CAPN14: variants seen among roughly 807,000 people sequenced by gnomAD.
CAPN14 encodes calpain 14.
A neutral mutation model predicts 101.3 loss-of-function variants in CAPN14; 94 were observed. The observed-to-expected ratio is 0.93, with a 90% confidence interval of 0.79 to 1.10. The LOEUF (loss-of-function observed/expected upper bound fraction) is 1.10. Ranked by LOEUF, CAPN14 falls within the 50% of genes least tolerant of loss-of-function variation. The pLI is 0.00. For missense variants in CAPN14, 837 were observed against 828.4 expected, an observed-to-expected ratio of 1.01 and a Z score of -0.13; for synonymous variants, 338 against 317.9, an observed-to-expected ratio of 1.06 and a Z score of -0.67.
intron 1 of CAPN14, among the ~76,000 whole-genome samples, chr2:31,229,434 T>C (rs1683122326): frequency 6.6e-6 from 1 of 152,026 alleles, no homozygotes; most frequent in Non-Finnish European, 1.5e-5. Context: ...ATAAAAGGAA[T>C]AAGAAATGAA....
chr2:31,231,830 G>T (rs189314830), intron 1 of CAPN14, among the ~76,000 whole-genome samples: 1 of 152,332 alleles, frequency 6.6e-6, no homozygotes, highest in Admixed American at 6.5e-5. Flanking sequence ...GTGGCACGGG[G>T]CCGCAAGCCT....
rs375760510 is a variant in CAPN14, at chr2:31,231,820, G to A, written c.-177+1971C>T. Among the ~76,000 whole-genome samples the A allele has an allele frequency of 4.2e-3, 647 of 152,326 alleles. 1 individual carries two copies. The highest frequency in any genetic ancestry group is 0.014 in the African/African-American group (579 of 41,578). On this transcript the variant is annotated intron_variant and NMD_transcript_variant, in intron 1 of 21. Coordinates refer to the CAPN14 transcript ENST00000398824. ...AGACGCCACTGTATTAACACCAGGC[G>A]TGGCACGGGGCCGCAAGCCTTGCTC...
rs1309625248 is a variant in CAPN14 at position 31,192,047 on chromosome 2, T to A, written c.1166A>T (p.Glu389Val). 4 of 1,551,366 alleles carry A rather than the reference T, an allele frequency of 2.6e-6. No homozygotes were observed. The highest frequency in any genetic ancestry group is 3.9e-5 in the Admixed American group (2 of 50,974). ...GCAGGGCCTCAGGGATCTCCTGCCC[T>A]CCTCGGGCCTCCAGACAGACAGCAG... ...QFLLSVWRPEEGRRSLRPCSV... is the reference protein window; with the variant it reads ...QFLLSVWRPEVGRRSLRPCSV... The change falls in exon 11 of 22, where the codon GAG becomes GTG. Residue 389 changes from glutamate (E) to valine (V), a missense_variant. Transcript: ENST00000403897.
chr2:31,173,263 T>G lies in CAPN14; in HGVS notation c.*1418A>C, dbSNP rs550666343. ...TTTATCATTTGGAATAAATGAAGGG[T>G]TTTTTTTCCTAAATAAAATACTTTC... is the stretch of plus-strand genomic sequence containing the variant. On this transcript the variant is annotated 3_prime_UTR_variant, in exon 22 of 22. Coordinates refer to ENST00000403897, the MANE Select transcript of CAPN14 (RefSeq NM_001145122.2). 5.9e-5 allele frequency: 9 copies of G among 152,074 alleles called. No individual in the cohort carries two copies. The highest frequency in any genetic ancestry group is 5.2e-4 in the Admixed American group (8 of 15,274). The allele number at this position is 152,074 out of a possible 1,614,324, so 9.4% of individuals were successfully genotyped here.
chr2:31,180,542 A>G (rs1384463180), intron 17 of CAPN14, among the ~76,000 whole-genome samples: 2 of 152,170 alleles, frequency 1.3e-5, no homozygotes, highest in Middle Eastern at 3.2e-3. Context: ...CAGTTATTAA[A>G]TGGAAAACAT....
At chr2:31,188,378 A>C in intron 13 of CAPN14, 24 bp from the exon 14 acceptor site, 1 of 1,550,662 alleles carries the variant, frequency 6.4e-7, no homozygotes, top group East Asian at 2.4e-5. Flanking sequence ...AACAAGAACA[A>C]ACTCAGAGTT....
chr2:31,201,772 T>C (rs1196641707), intron 5 of CAPN14, 90 bp downstream of exon 5: 1 of 1,482,036 alleles, frequency 6.7e-7, no homozygotes, highest in African/African-American at 1.4e-5. Context: ...TCTCATTTCA[T>C]AAACTTTACC....
chr2:31,177,173 A>G (rs4516476), intron 19 of CAPN14, 31 bp from the exon 20 acceptor site: 377,940 of 1,495,078 alleles, frequency 0.25, 53,397 homozygotes, highest in African/African-American at 0.56. Flanking sequence ...TGCTGTGGGT[A>G]TTGGGGGCTT....
At chr2:31,220,661 T>G (rs986487133), upstream of CAPN14, among the ~76,000 whole-genome samples, 1 of 152,144 alleles carries the variant, frequency 6.6e-6, no homozygotes, top group African/African-American at 2.4e-5. Context: ...AAACCCCAAC[T>G]CTACTAAAAC....
intron 2 of CAPN14, among the ~76,000 whole-genome samples, chr2:31,204,214 C>G (rs1681951607): frequency 6.6e-6 from 1 of 152,124 alleles, no homozygotes; most frequent in South Asian, 2.1e-4. Context: ...TCAAAATCAC[C>G]CTTGGTTTTT....
chr2:31,183,354 A>G (rs539658354), intron 16 of CAPN14, among the ~76,000 whole-genome samples: 1 of 152,376 alleles, frequency 6.6e-6, no homozygotes, highest in South Asian at 2.1e-4. Context: ...ATTAAACTAA[A>G]GAGCTTCTGC....
rs1353826474 is a variant in CAPN14, at chr2:31,205,421, G to A, written c.27C>T (p.Cys9=). 2 of 1,551,638 alleles carry A rather than the reference G, an allele frequency of 1.3e-6. No homozygotes were observed. The highest frequency in any genetic ancestry group is 3.9e-5 in the Admixed American group (2 of 50,998). The change falls in exon 2 of 22, where the codon TGC becomes TGT. Residue 9 remains cysteine, a synonymous_variant. Coordinates refer to ENST00000403897, the MANE Select transcript of CAPN14 (RefSeq NM_001145122.2). Reference sequence around the variant, plus strand: ...AGTACCTTGGCGCCAGCTTCCATCTGCATCGGAAAGGTGGCCACAGAGACA... The same window carrying A: ...AGTACCTTGGCGCCAGCTTCCATCTACATCGGAAAGGTGGCCACAGAGACA... MSLWPPFR[C]RWKLAPRYSR... is the part of the protein sequence containing the mutation.
intron 2 of CAPN14, among the ~76,000 whole-genome samples, chr2:31,225,067 A>G (rs910670900): frequency 6.6e-6 from 1 of 152,128 alleles, no homozygotes; most frequent in African/African-American, 2.4e-5. Context: ...AGACACAGAC[A>G]AAAGATTAAT....
chr2:31,206,038 A>ATT (rs113792962), intron 1 of CAPN14, among the ~76,000 whole-genome samples: 1,381 of 98,582 alleles, frequency 0.014, 62 homozygotes, highest in African/African-American at 0.051. Flanking sequence ...TTATTTATTT[A>ATT]TTTTTTTTTT....
At chr2:31,229,581 C>G (rs591606) in intron 1 of CAPN14, among the ~76,000 whole-genome samples, 22,910 of 148,970 alleles carry the variant, frequency 0.15, 1,864 homozygotes, top group Non-Finnish European at 0.18. Flanking sequence ...GAGGCTGAGG[C>G]AGGCTGAGAA....
chr2:31,224,749 G>T (rs1439324811), intron 2 of CAPN14, among the ~76,000 whole-genome samples: 1 of 151,566 alleles, frequency 6.6e-6, no homozygotes, highest in African/African-American at 2.4e-5. Context: ...CAGTTAGAAG[G>T]TACCATAATA....
rs553400884 is a variant in CAPN14, at chr2:31,188,080, G to A, written c.1530+238C>T. On this transcript the variant is annotated intron_variant, in intron 14 of 21. Transcript: ENST00000403897. ...ATGTAGAGATGTAGCTCATACTGCC[G>A]GGGTTCTGGACCCTCAGTGACAAGG... Among the ~76,000 whole-genome samples the A allele has an allele frequency of 2.6e-5, 4 of 152,280 alleles. No homozygotes were observed. The South Asian group carries it at 6.2e-4, about 24-fold the overall frequency.
chr2:31,193,926 C>A (rs970361246), intron 9 of CAPN14, among the ~76,000 whole-genome samples: 7 of 151,780 alleles, frequency 4.6e-5, no homozygotes, highest in African/African-American at 1.7e-4. Flanking sequence ...ACTGATGGGT[C>A]CATTTCAGAC....
chr2:31,175,606 T>C (rs1680252289), intron 21 of CAPN14, among the ~76,000 whole-genome samples: 1 of 152,238 alleles, frequency 6.6e-6, no homozygotes. Context: ...AGTGTGGGGC[T>C]AAGCAGTCCA....
Sources: allele counts gnomAD v4.1 joint callset (sites outside exome capture counted in the v4.1 genomes callset), GRCh38; gene constraint gnomAD v4.1.1; transcripts MANE v1.5; gene names NCBI Gene and HGNC (gene_info 2026-07-23, HGNC 2026-07-21).